The following DDHD1 variants were observed in gnomAD, a reference collection of about 807,000 sequenced individuals.
DDHD1 encodes phospholipase DDHD1.
DDHD1 carries 49 observed loss-of-function variants against 96.4 expected under a neutral mutation model. The ratio of observed to expected loss-of-function variants is 0.51; its 90% CI spans 0.40 to 0.64. The LOEUF is 0.64. Among genes scored for constraint, DDHD1 ranks in the 30% least tolerant of loss-of-function variants. The pLI is 0.00. For synonymous variants in DDHD1, 442 were observed against 446.5 expected (o/e 0.99, Z 0.13); for missense variants, 1,106 against 1,161.2 (o/e 0.95, Z 0.69).
At chr14:53,125,373 A>G (rs1334238502) in intron 1 of DDHD1, among the ~76,000 whole-genome samples, 1 of 152,196 alleles carries the variant, frequency 6.6e-6, no homozygotes, top group Non-Finnish European at 1.5e-5. Flanking sequence ...AGCTAAGAAA[A>G]AAAATATTTG....
chr14:53,131,206 C>T (rs952053145), intron 1 of DDHD1, among the ~76,000 whole-genome samples: 1 of 152,162 alleles, frequency 6.6e-6, no homozygotes, highest in African/African-American at 2.4e-5. Flanking sequence ...TGGGCTACAG[C>T]CACACCTCAC....
At chr14:53,048,150 T>C (rs1566511217) in intron 12 of DDHD1, among the ~76,000 whole-genome samples, 1 of 152,218 alleles carries the variant, frequency 6.6e-6, no homozygotes. Flanking sequence ...CAATACCATT[T>C]GGTAATTTAA....
intron 4 of DDHD1, among the ~76,000 whole-genome samples, chr14:53,080,719 T>TCCTA (rs1555334169): frequency 2.3e-5 from 1 of 44,130 alleles, no homozygotes; most frequent in Non-Finnish European, 4.3e-5. Flanking sequence ...CCTTCCCCCT[T>TCCTA]TTTTTTTTTT....
chr14:53,132,228 T>C (rs983849511), intron 1 of DDHD1, among the ~76,000 whole-genome samples: 1 of 152,174 alleles, frequency 6.6e-6, no homozygotes, highest in African/African-American at 2.4e-5. Flanking sequence ...GTCAGGATTC[T>C]TACACAAGAG....
chr14:53,058,260 AC>A (rs1292290462), intron 9 of DDHD1, among the ~76,000 whole-genome samples: 1 of 152,110 alleles, frequency 6.6e-6, no homozygotes, highest in Non-Finnish European at 1.5e-5. Context: ...CCTTACAGGC[AC>A]CCACTACCAC....
At position 53,039,529 on chromosome 14, in the gene DDHD1, T is replaced by C. The variant is rs1334186274; in HGVS notation, c.*7239A>G. On this transcript the variant is annotated 3_prime_UTR_variant, in exon 13 of 13. Transcript: ENST00000673822. ...GACTCACACAAAGCAGAAAATAATT[T>C]TAACAAGGAGCAGGAAAGGATTCAA... 6.6e-6 allele frequency: 1 copy of C among 152,250 alleles called. No homozygotes were observed. Among genetic ancestry groups the C allele is most frequent in the Non-Finnish European group, 1.5e-5 (1 of 68,184 alleles). 9.4% of individuals were successfully genotyped at this position (152,250 alleles called of 1,614,324 possible).
At chr14:53,067,148 T>C (rs1356365704) in intron 6 of DDHD1, among the ~76,000 whole-genome samples, 1 of 150,998 alleles carries the variant, frequency 6.6e-6, no homozygotes, top group East Asian at 1.9e-4. Context: ...CGGGAAACTA[T>C]TCCTTTTCTT....
At chr14:53,135,310 C>G (rs372702835) in intron 1 of DDHD1, among the ~76,000 whole-genome samples, 1 of 152,322 alleles carries the variant, frequency 6.6e-6, no homozygotes, top group African/African-American at 2.4e-5. Context: ...TGATAATGCA[C>G]TTTGTGATAT....
At position 53,041,741 on chromosome 14, in the gene DDHD1, G is replaced by A. The variant is rs1443289697; in HGVS notation, c.*5027C>T. ...TTTTGAATCTGAGGCATAAACGGAA[G>A]TCTGTCCAGACCTGATAGGGTACTC... On this transcript the variant is annotated 3_prime_UTR_variant, in exon 13 of 13. Transcript: ENST00000673822. 6.6e-6 allele frequency: 1 copy of A among 152,160 alleles called. No individual in the cohort carries two copies. The highest frequency in any genetic ancestry group is 1.5e-5 in the Non-Finnish European group (1 of 68,032). 9.4% of individuals were successfully genotyped at this position (152,160 alleles called of 1,614,324 possible).
At position 53,048,336 on chromosome 14, in the gene DDHD1, C is replaced by T. The variant is rs2358082; in HGVS notation, c.2522-1387G>A. On this transcript the variant is annotated intron_variant, in intron 12 of 12. Coordinates refer to ENST00000673822, the MANE Select transcript of DDHD1 (RefSeq NM_001160148.2). ...TGGGCTTTTAACTAAGTTTTTTGGGCTGTTTTTTTTTTTTTTTTTGAGATG... is the reference window on the plus strand; with the variant it reads ...TGGGCTTTTAACTAAGTTTTTTGGGTTGTTTTTTTTTTTTTTTTTGAGATG... Among the ~76,000 whole-genome samples, 39 of 145,856 alleles carry T rather than the reference C, an allele frequency of 2.7e-4. 1 individual carries two copies. The South Asian group carries it at 7.1e-3, about 27-fold the overall frequency.
At chr14:53,048,396 G>T (rs1471763328) in intron 12 of DDHD1, among the ~76,000 whole-genome samples, 2 of 147,638 alleles carry the variant, frequency 1.4e-5, no homozygotes, top group Non-Finnish European at 3.0e-5. Flanking sequence ...GGAGTGCAGT[G>T]GCACGATCTT....
intron 1 of DDHD1, among the ~76,000 whole-genome samples, chr14:53,127,717 G>GT (rs1889555818): frequency 6.6e-6 from 1 of 152,182 alleles, no homozygotes. Flanking sequence ...AGACCTGAAG[G>GT]TAAGATCGCT....
chr14:53,121,925 A>AG (rs1889024955), intron 1 of DDHD1, among the ~76,000 whole-genome samples: 1 of 150,566 alleles, frequency 6.6e-6, no homozygotes, highest in African/African-American at 2.5e-5. Context: ...AGAACGTTAA[A>AG]AAAAAAAAAA....
In DDHD1 at chr14:53,040,856, T is replaced by C. The variant is rs1463725041; in HGVS notation, c.*5912A>G. 6.6e-6 allele frequency: 1 copy of C among 151,982 alleles called. No homozygotes were observed. The highest frequency in any genetic ancestry group is 1.5e-5 in the Non-Finnish European group (1 of 68,002). The allele number at this position is 151,982 out of a possible 1,614,324, so 9.4% of individuals were successfully genotyped here. ...AGTGAACATAAGAAGTCATAGGAGC[T>C]GAAAGAAAGGAAACAAGGGTCTCAG... is the stretch of plus-strand genomic sequence containing the variant. On this transcript the variant is annotated 3_prime_UTR_variant, in exon 13 of 13. Coordinates refer to ENST00000673822, the MANE Select transcript of DDHD1 (RefSeq NM_001160148.2).
chr14:53,096,264 A>AT, intron 2 of DDHD1: 1 of 896,314 alleles, frequency 1.1e-6, no homozygotes, highest in Non-Finnish European at 1.3e-6. Context: ...TTTAAATGAG[A>AT]TTTGCCATTT....
chr14:53,069,693 C>A (rs1467106183), intron 6 of DDHD1, among the ~76,000 whole-genome samples: 1 of 152,172 alleles, frequency 6.6e-6, no homozygotes, highest in Non-Finnish European at 1.5e-5. Context: ...GTAATACTTA[C>A]AACACACATG....
rs34747977 is a variant in DDHD1, at chr14:53,145,502, CAAAAAAAA to C, written c.838+6751_838+6758del. Among the ~76,000 whole-genome samples, 126 of 61,692 alleles carry C rather than the reference CAAAAAAAA, an allele frequency of 2.0e-3. 1 individual carries two copies. Among genetic ancestry groups the C allele is most frequent in the African/African-American group, 5.1e-3 (79 of 15,530 alleles). The allele number at this position is 61,692 out of a possible 152,430, so 40.5% of individuals were successfully genotyped here. ...TAAGCGACAGAACAAAACCTTGTCTCAAAAAAAAAAAAAAAAAAAAAAAAGTTTTAACA... is the reference window on the plus strand; with the variant it reads ...TAAGCGACAGAACAAAACCTTGTCTCAAAAAAAAAAAAAAAAGTTTTAACA... On this transcript the variant is annotated intron_variant, in intron 1 of 12. Coordinates refer to ENST00000673822, the MANE Select transcript of DDHD1 (RefSeq NM_001160148.2).
At chr14:53,075,053 G>T (rs372614080) in intron 4 of DDHD1, among the ~76,000 whole-genome samples, 10 of 152,076 alleles carry the variant, frequency 6.6e-5, no homozygotes, top group Admixed American at 1.3e-4. Context: ...GAGGGCTTCC[G>T]TATTATCCCT....
rs1020496522 is a variant in DDHD1, at chr14:53,152,882, C to A, written c.217G>T (p.Asp73Tyr). The change falls in exon 1 of 13, where the codon GAC (aspartate) becomes TAC (tyrosine). Residue 73 changes from aspartate to tyrosine, a missense_variant. By Grantham distance (160) the Asp-to-Tyr change is radical. Transcript: ENST00000673822. ...TCCAGCGCGAGGTGGTGGTTGTGGT[C>A]GTCGGTGCCCGGCGCCAAATGCAGC... ...PGLHLAPGTD[D>Y]HNHHLALDPC... 1 of 1,609,330 alleles carries A rather than the reference C, an allele frequency of 6.2e-7. No homozygotes were observed. The highest frequency in any genetic ancestry group is 8.5e-7 in the Non-Finnish European group (1 of 1,178,174).
Sources: allele counts gnomAD v4.1 joint callset (sites outside exome capture counted in the v4.1 genomes callset), GRCh38; gene constraint gnomAD v4.1.1; transcripts MANE v1.5; gene names NCBI Gene and HGNC (gene_info 2026-07-23, HGNC 2026-07-21).